The following GRM8 variants were observed in gnomAD, a reference collection of about 807,000 sequenced individuals.
GRM8 encodes glutamate metabotropic receptor 8.
GRM8 carries 47 observed loss-of-function variants against 87.2 expected under a neutral mutation model. That is an observed-to-expected ratio of 0.54 (90% CI 0.43 to 0.69). The LOEUF is 0.69. GRM8 is among the 30% of genes least tolerant of loss of function. The probability of loss-of-function intolerance (pLI) is 0.00; values close to 1 mark genes in which losing one functional copy is unlikely to be tolerated. For synonymous variants in GRM8, 396 were observed against 404.5 expected, an observed-to-expected ratio of 0.98 and a Z score of 0.25; for missense variants, 1,019 against 1,139.2, an observed-to-expected ratio of 0.89 and a Z score of 1.52.
chr7:126,724,277 G>A (rs1453620606), intron 7 of GRM8, among the ~76,000 whole-genome samples: 1 of 152,098 alleles, frequency 6.6e-6, no homozygotes, highest in African/African-American at 2.4e-5. Flanking sequence ...CCTGAGTTCT[G>A]CCAATAAAAT....
chr7:126,734,694 A>C (rs1451479375), intron 7 of GRM8, among the ~76,000 whole-genome samples: 1 of 151,978 alleles, frequency 6.6e-6, no homozygotes, highest in Non-Finnish European at 1.5e-5. Flanking sequence ...AAAAGCTACA[A>C]GAAAATACGT....
At chr7:126,843,888 C>A (rs1796490728) in intron 6 of GRM8, among the ~76,000 whole-genome samples, 1 of 152,156 alleles carries the variant, frequency 6.6e-6, no homozygotes. Context: ...TCTTCCTGAA[C>A]ACACTGTGTT....
At chr7:127,108,174 G>A (rs993654796) in intron 2 of GRM8, among the ~76,000 whole-genome samples, 4 of 151,952 alleles carry the variant, frequency 2.6e-5, no homozygotes, top group African/African-American at 9.7e-5. Context: ...TTTTCCCCTG[G>A]TTAGATTTTG....
chr7:126,651,169 G>A (rs1163477334), intron 7 of GRM8, among the ~76,000 whole-genome samples: 6 of 152,220 alleles, frequency 3.9e-5, no homozygotes, highest in South Asian at 2.1e-4. Context: ...CAGAATGCCC[G>A]GTCCACTGTC....
intron 7 of GRM8, among the ~76,000 whole-genome samples, chr7:126,743,517 C>A (rs1248729706): frequency 6.6e-6 from 1 of 151,962 alleles, no homozygotes; most frequent in African/African-American, 2.4e-5. Context: ...AGAATATGCA[C>A]CTGGAGCGAA....
Position 126,555,321 on chromosome 7 carries a change from T to C in GRM8, c.1495-21434A>G, listed in dbSNP as rs540327004. On this transcript the variant is annotated intron_variant, in intron 8 of 10. Coordinates refer to ENST00000339582, the MANE Select transcript of GRM8 (RefSeq NM_000845.3). ...AATGATGAAAGGAGATTCCTATTAATTGCTCAGGCCAAGAGACTATCTTCA... is the reference window on the plus strand; with the variant it reads ...AATGATGAAAGGAGATTCCTATTAACTGCTCAGGCCAAGAGACTATCTTCA... Among the ~76,000 whole-genome samples, 4 of 152,308 alleles carry C rather than the reference T, an allele frequency of 2.6e-5. No individual in the cohort carries two copies. In the South Asian group the frequency reaches 6.2e-4, roughly 24 times the overall value.
intron 7 of GRM8, among the ~76,000 whole-genome samples, chr7:126,721,444 T>G (rs1812385871): frequency 6.6e-6 from 1 of 152,144 alleles, no homozygotes; most frequent in African/African-American, 2.4e-5. Context: ...AAATGCATGC[T>G]TCCATGACCT....
chr7:126,680,934 C>T (rs574310318), intron 7 of GRM8, among the ~76,000 whole-genome samples: 1 of 152,272 alleles, frequency 6.6e-6, no homozygotes, highest in East Asian at 1.9e-4. Flanking sequence ...ATGTATTCAC[C>T]TGTGTATCAC....
intron 9 of GRM8, among the ~76,000 whole-genome samples, chr7:126,482,109 C>T (rs955266949): frequency 1.3e-5 from 2 of 151,958 alleles, no homozygotes; most frequent in African/African-American, 4.8e-5. Flanking sequence ...TGAGACACCA[C>T]CTGATACCCA....
intron 2 of GRM8, among the ~76,000 whole-genome samples, chr7:127,139,279 C>CT (rs1828121749): frequency 6.6e-6 from 1 of 152,062 alleles, no homozygotes; most frequent in South Asian, 2.1e-4. Flanking sequence ...CCTCACATAC[C>CT]TATTGAGGGC....
chr7:127,109,035 T>C (rs943237220), intron 2 of GRM8, among the ~76,000 whole-genome samples: 1 of 152,216 alleles, frequency 6.6e-6, no homozygotes, highest in African/African-American at 2.4e-5. Context: ...GCATTTTAAT[T>C]TCTGTCCCAG....
intron 9 of GRM8, among the ~76,000 whole-genome samples, chr7:126,458,881 A>C (rs1803565072): frequency 6.6e-6 from 1 of 151,322 alleles, no homozygotes; most frequent in Non-Finnish European, 1.5e-5. Context: ...TAATCATGAA[A>C]ACAGTATGTA....
intron 2 of GRM8, among the ~76,000 whole-genome samples, chr7:127,172,745 A>G (rs996106787): frequency 5.3e-5 from 8 of 151,836 alleles, no homozygotes; most frequent in Non-Finnish European, 7.4e-5. Flanking sequence ...TATTTCCTTT[A>G]TGGCCATTAT....
At chr7:126,579,647 A>G (rs1310969933) in intron 8 of GRM8, among the ~76,000 whole-genome samples, 2 of 152,140 alleles carry the variant, frequency 1.3e-5, no homozygotes, top group Non-Finnish European at 2.9e-5. Context: ...GTATTCTAGG[A>G]AAAGGAATTT....
chr7:126,460,879 G>C (rs1803821451), intron 9 of GRM8, among the ~76,000 whole-genome samples: 1 of 151,500 alleles, frequency 6.6e-6, no homozygotes, highest in African/African-American at 2.4e-5. Context: ...CAGAACAAGA[G>C]AGTTGTGAAG....
intron 3 of GRM8, among the ~76,000 whole-genome samples, chr7:127,006,427 G>A (rs1348577181): frequency 9.9e-5 from 15 of 152,078 alleles, no homozygotes; most frequent in Admixed American, 2.0e-4. Flanking sequence ...TTCAGCTTCC[G>A]TCCATTTATC....
intron 9 of GRM8, among the ~76,000 whole-genome samples, chr7:126,469,474 T>C (rs1449576937): frequency 6.6e-6 from 1 of 152,126 alleles, no homozygotes; most frequent in Non-Finnish European, 1.5e-5. Context: ...TTTTGAACTG[T>C]AGCTCCCACA....
chr7:126,557,483 CA>C (rs1793276225), intron 8 of GRM8, among the ~76,000 whole-genome samples: 1 of 152,158 alleles, frequency 6.6e-6, no homozygotes, highest in South Asian at 2.1e-4. Flanking sequence ...ACTTTTGTGA[CA>C]ATCTTCCTTT....
intron 3 of GRM8, among the ~76,000 whole-genome samples, chr7:127,025,902 G>A (rs1327478259): frequency 2.6e-5 from 4 of 152,062 alleles, no homozygotes; most frequent in African/African-American, 9.7e-5. Context: ...GGCACAAGGT[G>A]AAGGTTTGTT....
Sources: gnomAD v4.1 joint callset for allele counts (sites outside exome capture counted in the v4.1 genomes callset) on GRCh38, gnomAD v4.1.1 for gene constraint, MANE v1.5 for transcripts, NCBI Gene and HGNC (gene_info 2026-07-23, HGNC 2026-07-21) for gene names.